Variants in ARHGAP15 observed in about 807,000 individuals in gnomAD.
ARHGAP15 encodes Rho GTPase activating protein 15, also known as rho GTPase-activating protein 15.
In ARHGAP15, 51 loss-of-function variants were observed where a neutral mutation model predicts 63.7. The ratio of observed to expected loss-of-function variants is 0.80; its 90% CI spans 0.64 to 1.01. ARHGAP15 has a LOEUF of 1.01. ARHGAP15 is among the 50% of genes least tolerant of loss of function. The pLI is 0.00. For synonymous variants in ARHGAP15, 191 were observed against 193.8 expected, an observed-to-expected ratio of 0.99 and a Z score of 0.12; for missense variants, 560 against 564.6, an observed-to-expected ratio of 0.99 and a Z score of 0.08.
At chr2:143,189,156 C>T (rs1691572068) in intron 2 of ARHGAP15, among the ~76,000 whole-genome samples, 1 of 152,120 alleles carries the variant, frequency 6.6e-6, no homozygotes. Context: ...TTCTTCTAGC[C>T]TCCAGTCAGT....
chr2:143,622,048 T>C (rs1412277238), intron 11 of ARHGAP15, among the ~76,000 whole-genome samples: 1 of 151,996 alleles, frequency 6.6e-6, no homozygotes, highest in Non-Finnish European at 1.5e-5. Flanking sequence ...AGGTTTCCAC[T>C]TAAAGTTCAG....
rs980800699 is a variant in ARHGAP15 at position 143,323,010 on chromosome 2, G to A, written c.474+72410G>A. On this transcript the variant is annotated intron_variant, in intron 6 of 13. Coordinates refer to ENST00000295095, the MANE Select transcript of ARHGAP15 (RefSeq NM_018460.4). ...AAAGTTTGGTGCTGAATAGTTAAAA[G>A]CTTGTATCCATCTGTCCCTCCCTTG... is the stretch of plus-strand genomic sequence containing the variant. Among the ~76,000 whole-genome samples, 6 of 152,236 alleles carry A rather than the reference G, an allele frequency of 3.9e-5. No homozygotes were observed. In the East Asian group the frequency reaches 7.7e-4, roughly 20 times the overall value.
chr2:143,201,030 A>G (rs1009601169), intron 2 of ARHGAP15, among the ~76,000 whole-genome samples: 4 of 152,140 alleles, frequency 2.6e-5, no homozygotes, highest in Non-Finnish European at 5.9e-5. Flanking sequence ...CCCACGATAT[A>G]TTTGAGTTCT....
intron 1 of ARHGAP15, among the ~76,000 whole-genome samples, chr2:143,147,502 C>T (rs1488248149): frequency 6.6e-6 from 1 of 151,966 alleles, no homozygotes; most frequent in Non-Finnish European, 1.5e-5. Context: ...TTCTTATGCT[C>T]CCTAAATGTA....
intron 9 of ARHGAP15, among the ~76,000 whole-genome samples, chr2:143,509,174 T>C (rs1693459700): frequency 6.6e-6 from 1 of 152,186 alleles, no homozygotes; most frequent in South Asian, 2.1e-4. Flanking sequence ...ACCAGAGACT[T>C]TAGAATCTGT....
intron 6 of ARHGAP15, among the ~76,000 whole-genome samples, chr2:143,328,708 G>A (rs1040735782): frequency 1.8e-4 from 27 of 152,086 alleles, no homozygotes; most frequent in Admixed American, 1.5e-3. Context: ...CATTCTGCAC[G>A]TGTATCCCAG....
intron 13 of ARHGAP15, 30 bp from the exon 14 acceptor site, chr2:143,767,959 G>T: frequency 1.9e-6 from 3 of 1,598,012 alleles, no homozygotes; most frequent in Non-Finnish European, 1.7e-6. Context: ...AAACTCCAGT[G>T]AAATTATTTT....
At chr2:143,516,153 A>T (rs1233195550) in intron 9 of ARHGAP15, among the ~76,000 whole-genome samples, 1 of 152,174 alleles carries the variant, frequency 6.6e-6, no homozygotes, top group East Asian at 1.9e-4. Flanking sequence ...CTGTTTACTT[A>T]TATACTGCCT....
chr2:143,225,622 C>T (rs1433606420), intron 4 of ARHGAP15, among the ~76,000 whole-genome samples: 1 of 151,958 alleles, frequency 6.6e-6, no homozygotes, highest in Non-Finnish European at 1.5e-5. Context: ...CAAAACAAAA[C>T]AAAACAAAAC....
At chr2:143,257,392 T>C (rs1043304714) in intron 6 of ARHGAP15, among the ~76,000 whole-genome samples, 5 of 152,124 alleles carry the variant, frequency 3.3e-5, no homozygotes, top group African/African-American at 1.2e-4. Flanking sequence ...TCAACTTGGC[T>C]TCTTCTGTTT....
At chr2:143,654,713 G>C (rs1681344168) in intron 12 of ARHGAP15, among the ~76,000 whole-genome samples, 1 of 152,088 alleles carries the variant, frequency 6.6e-6, no homozygotes, top group Non-Finnish European at 1.5e-5. Context: ...AAACCCAAGG[G>C]TTTTTATTCT....
chr2:143,491,672 A>G (rs532007836), intron 9 of ARHGAP15, among the ~76,000 whole-genome samples: 1 of 152,220 alleles, frequency 6.6e-6, no homozygotes, highest in South Asian at 2.1e-4. Flanking sequence ...CACTTTGAAC[A>G]GTTTCTATTT....
intron 10 of ARHGAP15, among the ~76,000 whole-genome samples, chr2:143,542,238 G>A (rs550432966): frequency 2.9e-4 from 44 of 152,266 alleles, no homozygotes; most frequent in East Asian, 1.4e-3. Flanking sequence ...GCACAGTATC[G>A]GGGTGGGAGT....
chr2:143,586,316 T>A (rs1181687486), intron 11 of ARHGAP15, among the ~76,000 whole-genome samples: 1 of 152,162 alleles, frequency 6.6e-6, no homozygotes, highest in Non-Finnish European at 1.5e-5. Context: ...TCCTTCTGTA[T>A]TTTCAAAACT....
intron 13 of ARHGAP15, among the ~76,000 whole-genome samples, chr2:143,733,485 A>G (rs913100380): frequency 4.6e-5 from 7 of 151,940 alleles, no homozygotes; most frequent in Admixed American, 6.6e-5. Context: ...TTTGGTACCC[A>G]AGAACCCAGA....
At chr2:143,341,720 C>T (rs964545336) in intron 6 of ARHGAP15, among the ~76,000 whole-genome samples, 1 of 152,030 alleles carries the variant, frequency 6.6e-6, no homozygotes, top group South Asian at 2.1e-4. Flanking sequence ...AGAATGTCTC[C>T]CAATGATTTC....
intron 1 of ARHGAP15, among the ~76,000 whole-genome samples, chr2:143,143,850 T>A (rs1310515652): frequency 6.6e-6 from 1 of 151,990 alleles, no homozygotes; most frequent in Non-Finnish European, 1.5e-5. Flanking sequence ...TTGTACAGAT[T>A]ATTTAATCGC....
chr2:143,622,781 T>TAA (rs34925907), intron 11 of ARHGAP15, among the ~76,000 whole-genome samples: 25 of 109,042 alleles, frequency 2.3e-4, no homozygotes, highest in African/African-American at 8.0e-4. Context: ...TTCATTTATT[T>TAA]AAAAAAAAAA....
intron 1 of ARHGAP15, among the ~76,000 whole-genome samples, chr2:143,132,794 C>T (rs1426774340): frequency 6.6e-6 from 1 of 152,084 alleles, no homozygotes; most frequent in African/African-American, 2.4e-5. Flanking sequence ...TCATTATTTC[C>T]CAACTTCTTC....
Sources: allele counts gnomAD v4.1 joint callset (sites outside exome capture counted in the v4.1 genomes callset), GRCh38; gene constraint gnomAD v4.1.1; transcripts MANE v1.5; gene names NCBI Gene and HGNC (gene_info 2026-07-23, HGNC 2026-07-21).